MTHFD2L: variants seen among roughly 807,000 people sequenced by gnomAD.
MTHFD2L encodes the protein methylenetetrahydrofolate dehydrogenase (NADP+ dependent) 2 like.
Under a neutral mutation model 34.9 loss-of-function variants are expected in MTHFD2L, and 29 were observed. The observed-to-expected ratio is 0.83, with a 90% CI of 0.62 to 1.13. The LOEUF is 1.13. Ranked by LOEUF, MTHFD2L falls within the 50% of genes most tolerant of loss-of-function variation. The pLI is 0.00. For synonymous variants in MTHFD2L, 167 were observed against 155.7 expected (o/e 1.07, Z -0.54); for missense variants, 481 against 446.5 (o/e 1.08, Z -0.70).
At chr4:74,173,918 G>A (rs6833925) in intron 1 of MTHFD2L, among the ~76,000 whole-genome samples, 7,456 of 152,168 alleles carry the variant, frequency 0.049, 571 homozygotes, top group African/African-American at 0.17. Flanking sequence ...GTACACTGTC[G>A]TTAGCATCTT....
chr4:74,218,944 C>T (rs1051702475), intron 5 of MTHFD2L, among the ~76,000 whole-genome samples: 3 of 151,600 alleles, frequency 2.0e-5, no homozygotes, highest in African/African-American at 7.3e-5. Context: ...ATTCAACTAT[C>T]TATGATTAAA....
At position 74,218,136 on chromosome 4, in the gene MTHFD2L, A is replaced by AT. The variant is rs766333038; in HGVS notation, c.713-7156dup. Among the ~76,000 whole-genome samples, 1,351 of 149,620 alleles carry AT rather than the reference A, an allele frequency of 9.0e-3. 22 individuals are homozygous for AT. Among genetic ancestry groups the AT allele is most frequent in the African/African-American group, 0.031 (1,279 of 40,934 alleles). ...CATGATTCTGGTATGTTTTCTATAC[A>AT]TTTTTTTTTTAGTCATGATTTTTAG... On this transcript the variant is annotated intron_variant, in intron 5 of 7. Transcript: ENST00000325278.
At chr4:74,189,855 A>AC (rs1430447021) in intron 3 of MTHFD2L, among the ~76,000 whole-genome samples, 1 of 152,030 alleles carries the variant, frequency 6.6e-6, no homozygotes, top group Non-Finnish European at 1.5e-5. Flanking sequence ...CAAAGCATTT[A>AC]CCAAAATCAA....
At chr4:74,225,488 T>A in intron 6 of MTHFD2L, 94 bp downstream of exon 6, 1 of 937,848 alleles carries the variant, frequency 1.1e-6, no homozygotes, top group Admixed American at 2.0e-5. Flanking sequence ...TTGAGAGAGT[T>A]AGCTTTATGT....
chr4:74,129,666 T>G (rs1013731420), intron 1 of MTHFD2L, among the ~76,000 whole-genome samples: 2 of 151,862 alleles, frequency 1.3e-5, no homozygotes, highest in African/African-American at 4.8e-5. Context: ...ACATTACAAT[T>G]AAGAGAACTG....
chr4:74,187,427 G>GA (rs2091749661), intron 3 of MTHFD2L, among the ~76,000 whole-genome samples: 1 of 152,064 alleles, frequency 6.6e-6, no homozygotes, highest in South Asian at 2.1e-4. Context: ...ATGACAGAGA[G>GA]AATAGCAAGA....
intron 6 of MTHFD2L, among the ~76,000 whole-genome samples, chr4:74,246,778 C>A (rs1742522836): frequency 6.6e-6 from 1 of 152,228 alleles, no homozygotes; most frequent in South Asian, 2.1e-4. Context: ...TGTCAAAGAT[C>A]AGATAGGAGT....
At chr4:74,263,866 A>G (rs989793087) in intron 6 of MTHFD2L, among the ~76,000 whole-genome samples, 4 of 152,028 alleles carry the variant, frequency 2.6e-5, no homozygotes, top group African/African-American at 9.7e-5. Flanking sequence ...TCATGACCAA[A>G]TAAGGTTTAT....
chr4:74,233,545 T>C (rs1014343458), intron 6 of MTHFD2L, among the ~76,000 whole-genome samples: 1 of 152,046 alleles, frequency 6.6e-6, no homozygotes, highest in Non-Finnish European at 1.5e-5. Flanking sequence ...TGAGCTCCTA[T>C]TGTGTGGTGA....
At chr4:74,235,920 C>T (rs1463270621) in intron 6 of MTHFD2L, among the ~76,000 whole-genome samples, 1 of 151,948 alleles carries the variant, frequency 6.6e-6, no homozygotes, top group Non-Finnish European at 1.5e-5. Context: ...CAAAATGTGC[C>T]ATATAGTGGA....
At chr4:74,181,643 A>G (rs951224366) in intron 3 of MTHFD2L, 3 of 152,178 alleles carry the variant, frequency 2.0e-5, no homozygotes, top group African/African-American at 7.2e-5. Context: ...TATTTCTGGA[A>G]CACAATTAGG....
chr4:74,285,003 T>C (rs966182705), intron 7 of MTHFD2L, among the ~76,000 whole-genome samples: 1 of 152,126 alleles, frequency 6.6e-6, no homozygotes, highest in East Asian at 1.9e-4. Context: ...TTGAATACTA[T>C]GCAGCCATAA....
At chr4:74,177,512 A>G (rs1030209299) in intron 3 of MTHFD2L, among the ~76,000 whole-genome samples, 2 of 151,976 alleles carry the variant, frequency 1.3e-5, no homozygotes, top group African/African-American at 4.8e-5. Context: ...GAAAATGATA[A>G]ACTTCACTAA....
At chr4:74,117,657 G>A (rs759448958) in intron 2 of MTHFD2L, among the ~76,000 whole-genome samples, 6 of 152,240 alleles carry the variant, frequency 3.9e-5, no homozygotes, top group Non-Finnish European at 7.3e-5. Flanking sequence ...TGCAAGAAGA[G>A]TCACTCAGTG....
intron 5 of MTHFD2L, among the ~76,000 whole-genome samples, chr4:74,218,712 T>C (rs1021349163): frequency 2.0e-5 from 3 of 152,030 alleles, no homozygotes; most frequent in Non-Finnish European, 4.4e-5. Context: ...TATTATTTGC[T>C]TCAAATTGGC....
intron 6 of MTHFD2L, chr4:74,242,327 T>G (rs1239387639): frequency 6.6e-6 from 1 of 152,166 alleles, no homozygotes; most frequent in Non-Finnish European, 1.5e-5. Context: ...TTTTAAAAAC[T>G]TAGTGGTTGG....
At chr4:74,160,317 C>T (rs746618803) in intron 1 of MTHFD2L, 26 of 315,470 alleles carry the variant, frequency 8.2e-5, no homozygotes, top group Non-Finnish European at 1.6e-4. Context: ...GATTTATCAC[C>T]ATTTCTGAGC....
At chr4:74,253,829 C>T (rs538432987) in intron 6 of MTHFD2L, among the ~76,000 whole-genome samples, 3 of 152,178 alleles carry the variant, frequency 2.0e-5, no homozygotes, top group Non-Finnish European at 2.9e-5. Flanking sequence ...CCTGCCCATG[C>T]AGACTCAGGC....
chr4:74,178,894 G>C (rs533628315), intron 3 of MTHFD2L, among the ~76,000 whole-genome samples: 2 of 152,010 alleles, frequency 1.3e-5, no homozygotes, highest in East Asian at 3.9e-4. Flanking sequence ...AACTGAGTTG[G>C]GATTTGAATC....
Sources: allele counts gnomAD v4.1 joint callset (sites outside exome capture counted in the v4.1 genomes callset), GRCh38; gene constraint gnomAD v4.1.1; transcripts MANE v1.5; gene names NCBI Gene and HGNC (gene_info 2026-07-23, HGNC 2026-07-21).